CSNK2A2: variants seen among roughly 807,000 people sequenced by gnomAD.
CSNK2A2 encodes casein kinase II subunit alpha'.
A neutral mutation model predicts 54.0 loss-of-function variants in CSNK2A2; 8 were observed. The observed-to-expected ratio is 0.15, with a 90% CI of 0.09 to 0.27. CSNK2A2 has a LOEUF of 0.27. Among genes scored for constraint, CSNK2A2 ranks in the 10% least tolerant of loss-of-function variants. The pLI is 1.00. For missense variants in CSNK2A2, 242 were observed against 439.4 expected, an observed-to-expected ratio of 0.55 and a Z score of 4.02; for synonymous variants, 141 against 153.9, an observed-to-expected ratio of 0.92 and a Z score of 0.62.
In CSNK2A2 at chr16:58,165,572, G is replaced by A; in HGVS notation, c.964C>T (p.His322Tyr). The change falls in exon 10 of 12, where the codon CAC becomes TAC. Residue 322 changes from histidine to tyrosine, a missense_variant. By Grantham distance (83) the His-to-Tyr change is moderately conservative. Coordinates refer to ENST00000262506, the MANE Select transcript of CSNK2A2 (RefSeq NM_001896.4). Reference protein sequence around the residue: ...QRLTAKEAMEHPYFYPVVKEQ... With the variant: ...QRLTAKEAMEYPYFYPVVKEQ... Reference sequence around the variant, plus strand: ...CCTGGAGACTCACAGAAGTATGGGTGCTCCATGGCCTCTTTGGCAGTCAGT... The same window carrying A: ...CCTGGAGACTCACAGAAGTATGGGTACTCCATGGCCTCTTTGGCAGTCAGT... 1 of 1,612,426 alleles carries A rather than the reference G, an allele frequency of 6.2e-7. No homozygotes were observed. Among genetic ancestry groups the A allele is most frequent in the South Asian group, 1.1e-5 (1 of 90,744 alleles).
chr16:58,192,377 AAAACTATT>A (rs1482556853), intron 2 of CSNK2A2, among the ~76,000 whole-genome samples: 1 of 152,186 alleles, frequency 6.6e-6, no homozygotes, highest in Non-Finnish European at 1.5e-5. Context: ...TTAAAGGGAT[AAAACTATT>A]AAACTATTAA....
intron 10 of CSNK2A2, among the ~76,000 whole-genome samples, 172 bp downstream of exon 10, chr16:58,165,388 C>G (rs1294412982): frequency 6.6e-6 from 1 of 152,218 alleles, no homozygotes; most frequent in Non-Finnish European, 1.5e-5. Context: ...CTTTGGTGAT[C>G]AAGAAACGGA....
intron 4 of CSNK2A2, among the ~76,000 whole-genome samples, chr16:58,174,967 C>T (rs764934122): frequency 4.6e-5 from 7 of 152,038 alleles, no homozygotes; most frequent in South Asian, 4.2e-4. Flanking sequence ...AAAACAGTGG[C>T]GACACAGGCT....
At chr16:58,167,867 T>A in intron 6 of CSNK2A2, 72 bp from the exon 7 acceptor site, 1 of 1,097,842 alleles carries the variant, frequency 9.1e-7, no homozygotes, top group Non-Finnish European at 1.4e-6. Context: ...CAAGGCCACA[T>A]CACATTAGGT....
chr16:58,187,385 AAT>A (rs1321855606), intron 2 of CSNK2A2, among the ~76,000 whole-genome samples: 1 of 152,124 alleles, frequency 6.6e-6, no homozygotes, highest in Non-Finnish European at 1.5e-5. Flanking sequence ...TAATATCTAG[AAT>A]CTGAAATCAG....
In CSNK2A2 at chr16:58,196,984, T is replaced by C. The variant is rs904208141; in HGVS notation, c.105-140A>G. ...ATCACGTCACAACTCATTCCCTAAA[T>C]GAAAGCCACGACATAATCTTGGCTC... On this transcript the variant is annotated intron_variant, in intron 1 of 11. Coordinates refer to ENST00000262506, the MANE Select transcript of CSNK2A2 (RefSeq NM_001896.4). The C allele has an allele frequency of 7.2e-6, 5 of 692,924 alleles. No individual in the cohort carries two copies. In the Admixed American group the frequency reaches 9.8e-5, roughly 14 times the overall value. 42.9% of individuals were successfully genotyped at this position (692,924 alleles called of 1,614,324 possible).
At chr16:58,163,624 G>T (rs1743475012) in intron 11 of CSNK2A2, 1 of 152,712 alleles carries the variant, frequency 6.5e-6, no homozygotes, top group Admixed American at 6.5e-5. Flanking sequence ...TGAGGCTGGT[G>T]TGTCAGTATA....
At chr16:58,188,198 A>G (rs74019834) in intron 2 of CSNK2A2, among the ~76,000 whole-genome samples, 10,720 of 152,266 alleles carry the variant, frequency 0.07, 478 homozygotes, top group South Asian at 0.21. Flanking sequence ...CAGGGGGCTC[A>G]ACTGACAGGC....
rs975054365 is a variant in CSNK2A2, at chr16:58,192,076, T to C, written c.216+4657A>G. Among the ~76,000 whole-genome samples, 3 of 152,220 alleles carry C rather than the reference T, an allele frequency of 2.0e-5. No homozygotes were observed. In the East Asian group the frequency reaches 5.8e-4, roughly 29 times the overall value. ...ATCAATCTCTCTACCCATCTATCTA[T>C]AGTTTATCTGACTTTCCTAACAATC... On this transcript the variant is annotated intron_variant, in intron 2 of 11. Coordinates refer to ENST00000262506, the MANE Select transcript of CSNK2A2 (RefSeq NM_001896.4).
chr16:58,168,122 G>A (rs1212348586), intron 6 of CSNK2A2, among the ~76,000 whole-genome samples: 3 of 151,916 alleles, frequency 2.0e-5, no homozygotes, highest in South Asian at 2.1e-4. Context: ...ATAGCTTTTC[G>A]TTATAAGCTC....
intron 2 of CSNK2A2, among the ~76,000 whole-genome samples, chr16:58,195,301 A>G (rs1962410550): frequency 6.6e-6 from 1 of 152,170 alleles, no homozygotes; most frequent in Non-Finnish European, 1.5e-5. Context: ...GTCTGAGAAC[A>G]CAAATAACTT....
intron 11 of CSNK2A2, chr16:58,163,782 TACA>T (rs1026096651): frequency 3.8e-6 from 1 of 265,648 alleles, no homozygotes; most frequent in African/African-American, 2.2e-5. Context: ...AAGGTAAATG[TACA>T]ACAACTCCGA....
intron 6 of CSNK2A2, 23 bp from the exon 7 acceptor site, chr16:58,167,818 CA>C: frequency 6.3e-7 from 1 of 1,584,054 alleles, no homozygotes; most frequent in Non-Finnish European, 8.7e-7. Flanking sequence ...CAGAAAAAAA[CA>C]TGTGAAAGGA....
chr16:58,167,629 C>T, intron 7 of CSNK2A2, 56 bp downstream of exon 7: 4 of 1,332,222 alleles, frequency 3.0e-6, no homozygotes, highest in Non-Finnish European at 4.3e-6. Context: ...AACAGCAAAC[C>T]AGAAAAGCCC....
At chr16:58,195,806 AG>A (rs768879283) in intron 2 of CSNK2A2, among the ~76,000 whole-genome samples, 2 of 152,230 alleles carry the variant, frequency 1.3e-5, no homozygotes, top group Non-Finnish European at 2.9e-5. Context: ...CCATATATTA[AG>A]ATAGTTTTGT....
chr16:58,175,577 C>T (rs971673399), intron 4 of CSNK2A2, among the ~76,000 whole-genome samples: 2 of 151,922 alleles, frequency 1.3e-5, no homozygotes, highest in African/African-American at 2.4e-5. Flanking sequence ...ACTGGTTTCA[C>T]GTATATATGT....
In CSNK2A2 at chr16:58,196,929, C is replaced by T; in HGVS notation, c.105-85G>A. ...ACTGTACACGTCATTCAGCCGCTTCCACCAGGCAAACACTTGGAAGTGTCT... is the reference window on the plus strand; with the variant it reads ...ACTGTACACGTCATTCAGCCGCTTCTACCAGGCAAACACTTGGAAGTGTCT... On this transcript the variant is annotated intron_variant, in intron 1 of 11. Coordinates refer to ENST00000262506, the MANE Select transcript of CSNK2A2 (RefSeq NM_001896.4). The T allele has an allele frequency of 3.5e-6, 3 of 849,140 alleles. No individual in the cohort carries two copies. The South Asian group carries it at 4.0e-5, about 11-fold the overall frequency. 52.6% of individuals were successfully genotyped at this position (849,140 alleles called of 1,614,324 possible). A position where few individuals can be genotyped will look rare whatever the true frequency, so the allele number is the denominator to read the frequency against.
chr16:58,164,008 G>T, intron 11 of CSNK2A2, 46 bp downstream of exon 11: 1 of 1,423,618 alleles, frequency 7.0e-7, no homozygotes, highest in Non-Finnish European at 9.9e-7. Flanking sequence ...TTCAAGGTTT[G>T]TGTTTGGTTG....
Position 58,197,227 on chromosome 16 carries a change from G to T in CSNK2A2, c.105-383C>A. 1 of 273,724 alleles carries T rather than the reference G, an allele frequency of 3.7e-6. No homozygotes were observed. The highest frequency in any genetic ancestry group is 7.0e-6 in the Non-Finnish European group (1 of 141,920). 17.0% of individuals were successfully genotyped at this position (273,724 alleles called of 1,614,324 possible). A position where few individuals can be genotyped will look rare whatever the true frequency, so the allele number is the denominator to read the frequency against. On this transcript the variant is annotated intron_variant, in intron 1 of 11. Transcript: ENST00000262506. This position sits in a 1 kb window ranked among gnomAD's most constrained non-coding sequence, Gnocchi z 4.0. ...GTTTTAAAAATCTGGACGTCTTTAA[G>T]AAATTTCCTCCCACCACCTCATCTC...
Sources: gnomAD v4.1 joint callset for allele counts (sites outside exome capture counted in the v4.1 genomes callset) on GRCh38, gnomAD v4.1.1 for gene constraint, Gnocchi (gnomAD v3.1) non-coding constraint, MANE v1.5 for transcripts, NCBI Gene and HGNC (gene_info 2026-07-23, HGNC 2026-07-21) for gene names.